Variants in ARB2A observed in about 807,000 individuals in gnomAD.
The protein encoded by ARB2A is cotranscriptional regulator ARB2A.
chr5:93,692,469 A>G, the ARB2A span, among the ~76,000 whole-genome samples: 1 of 152,238 alleles, frequency 6.6e-6, no homozygotes, highest in East Asian at 1.9e-4. Context: ...ACATAATAGT[A>G]AAGGGATCAA....
chr5:93,795,274 CCA>C, the ARB2A span, among the ~76,000 whole-genome samples: 1 of 152,148 alleles, frequency 6.6e-6, no homozygotes, highest in African/African-American at 2.4e-5. Context: ...CCCATGCGGC[CCA>C]CAGTCCTAAA....
the ARB2A span, among the ~76,000 whole-genome samples, chr5:94,083,264 T>G: frequency 0.014 from 2,129 of 152,282 alleles, 53 homozygotes; most frequent in African/African-American, 0.048. Context: ...TCCCTTCCTA[T>G]GATCATAAGA....
chr5:93,771,148 C>T, the ARB2A span, among the ~76,000 whole-genome samples: 2 of 151,968 alleles, frequency 1.3e-5, no homozygotes, highest in Non-Finnish European at 2.9e-5. Context: ...AGAAATAACG[C>T]CGCATATCTA....
chr5:93,968,612 AAGG>A, the ARB2A span, among the ~76,000 whole-genome samples: 5 of 152,122 alleles, frequency 3.3e-5, no homozygotes, highest in Non-Finnish European at 7.4e-5. Context: ...ATGAGAATAC[AAGG>A]AGGAGAAGAG....
the ARB2A span, among the ~76,000 whole-genome samples, chr5:94,031,622 G>GTGTA: frequency 6.6e-6 from 1 of 152,212 alleles, no homozygotes; most frequent in Non-Finnish European, 1.5e-5. Context: ...GAAACCAAGG[G>GTGTA]TGTAGCTCAC....
At chr5:93,759,181 C>T in the ARB2A span, among the ~76,000 whole-genome samples, 7 of 152,064 alleles carry the variant, frequency 4.6e-5, no homozygotes, top group Admixed American at 3.9e-4. Context: ...AAATACAACC[C>T]TCCTAGCTTA....
chr5:93,628,584 C>T, the ARB2A span, among the ~76,000 whole-genome samples: 1 of 152,206 alleles, frequency 6.6e-6, no homozygotes, highest in Non-Finnish European at 1.5e-5. Flanking sequence ...TAGCCACCTT[C>T]ATCAATGGTC....
At chr5:93,636,831 T>C in the ARB2A span, among the ~76,000 whole-genome samples, 1 of 152,260 alleles carries the variant, frequency 6.6e-6, no homozygotes, top group South Asian at 2.1e-4. Flanking sequence ...TATATTAGAC[T>C]CATTTATTCA....
the ARB2A span, among the ~76,000 whole-genome samples, chr5:93,761,498 G>A: frequency 1.3e-5 from 2 of 152,168 alleles, no homozygotes; most frequent in Non-Finnish European, 2.9e-5. Context: ...AGGCAGAAGC[G>A]AGGCTGGGGG....
the ARB2A span, among the ~76,000 whole-genome samples, chr5:93,797,611 C>G: frequency 1.3e-5 from 2 of 152,070 alleles, no homozygotes; most frequent in African/African-American, 4.8e-5. Context: ...TGTTTCATAT[C>G]AGGTTAATTA....
the ARB2A span, among the ~76,000 whole-genome samples, chr5:93,835,085 T>C: frequency 6.6e-6 from 1 of 151,674 alleles, no homozygotes; most frequent in Non-Finnish European, 1.5e-5. Flanking sequence ...ATAGGATATT[T>C]ACCCTAGAAT....
chr5:93,888,286 C>A, the ARB2A span, among the ~76,000 whole-genome samples: 1 of 151,762 alleles, frequency 6.6e-6, no homozygotes, highest in African/African-American at 2.4e-5. Context: ...CTTTTATATT[C>A]TTTGCTTCTC....
the ARB2A span, among the ~76,000 whole-genome samples, chr5:93,885,956 A>G: frequency 6.6e-6 from 1 of 151,940 alleles, no homozygotes; most frequent in East Asian, 1.9e-4. Flanking sequence ...AGAGAGATCT[A>G]AAACAAACAG....
chr5:94,037,106 G>T, the ARB2A span, among the ~76,000 whole-genome samples: 1 of 151,966 alleles, frequency 6.6e-6, no homozygotes, highest in African/African-American at 2.4e-5. Context: ...ATGTATTTCT[G>T]CGCTTTGCAT....
chr5:93,888,161 G>A, the ARB2A span, among the ~76,000 whole-genome samples: 5 of 151,844 alleles, frequency 3.3e-5, no homozygotes, highest in South Asian at 1.0e-3. Flanking sequence ...AAATTTCTCT[G>A]CTATTCACAA....
At chr5:93,657,135 C>T in the ARB2A span, among the ~76,000 whole-genome samples, 1 of 152,122 alleles carries the variant, frequency 6.6e-6, no homozygotes, top group Non-Finnish European at 1.5e-5. Context: ...AATATCAATA[C>T]CATAAAGACG....
At chr5:93,876,016 G>A in the ARB2A span, among the ~76,000 whole-genome samples, 3 of 152,108 alleles carry the variant, frequency 2.0e-5, no homozygotes, top group African/African-American at 7.2e-5. Flanking sequence ...AAAAACAGAT[G>A]CTTTAAAAAA....
chr5:93,855,774 T>C, the ARB2A span, among the ~76,000 whole-genome samples: 2 of 152,110 alleles, frequency 1.3e-5, no homozygotes, highest in Non-Finnish European at 2.9e-5. Context: ...TTTAAGAATG[T>C]TGAATATTGG....
the ARB2A span, among the ~76,000 whole-genome samples, chr5:93,714,484 G>A: frequency 1.2e-4 from 19 of 152,178 alleles, no homozygotes; most frequent in South Asian, 4.1e-4. Flanking sequence ...CACTGTAAGC[G>A]CAGATGAACT....
Sources: allele counts gnomAD v4.1 joint callset (sites outside exome capture counted in the v4.1 genomes callset), GRCh38; gene constraint gnomAD v4.1.1; transcripts MANE v1.5; gene names NCBI Gene and HGNC (gene_info 2026-07-23, HGNC 2026-07-21).